UBQLN4: variants seen among roughly 807,000 people sequenced by gnomAD.
UBQLN4 encodes the protein ubiquilin-4.
In UBQLN4, 11 loss-of-function variants were observed where a neutral mutation model predicts 60.4. The ratio of observed to expected loss-of-function variants is 0.18; its 90% CI spans 0.11 to 0.30. The LOEUF (loss-of-function observed/expected upper bound fraction) is 0.30. UBQLN4 is among the 10% of genes least tolerant of loss of function. UBQLN4 has a pLI of 1.00. For missense variants in UBQLN4, 417 were observed against 795.5 expected (o/e 0.52, Z 5.72); for synonymous variants, 258 against 313.1 (o/e 0.82, Z 1.86).
intron 5 of UBQLN4, among the ~76,000 whole-genome samples, chr1:156,047,239 T>C (rs1572277405): frequency 6.7e-6 from 1 of 149,654 alleles, no homozygotes; most frequent in Admixed American, 6.7e-5. Context: ...GTGTAACTTG[T>C]GAATTTTTTT....
intron 7 of UBQLN4, 190 bp downstream of exon 7, chr1:156,042,584 G>T: frequency 9.3e-7 from 1 of 1,079,644 alleles, no homozygotes; most frequent in Non-Finnish European, 1.3e-6. Context: ...AGGAACTATT[G>T]TTATTATCAT....
chr1:156,051,452 G>T, intron 2 of UBQLN4, 125 bp from the exon 3 acceptor site: 1 of 1,282,692 alleles, frequency 7.8e-7, no homozygotes, highest in Non-Finnish European at 1.1e-6. Context: ...CAGTCCTGAG[G>T]CTGGAGTGGG....
intron 5 of UBQLN4, among the ~76,000 whole-genome samples, chr1:156,046,775 G>A (rs1683715205): frequency 6.6e-6 from 1 of 152,030 alleles, no homozygotes; most frequent in South Asian, 2.1e-4. Flanking sequence ...CCAGGAGGTG[G>A]AGGTTGCAGT....
chr1:156,033,580 C>T (rs555534563), downstream of UBQLN4, among the ~76,000 whole-genome samples: 2 of 152,118 alleles, frequency 1.3e-5, no homozygotes, highest in Non-Finnish European at 2.9e-5. Context: ...CGACGGCTCA[C>T]GCCTGTGATC....
At chr1:156,032,748 G>T (rs1298248482), downstream of UBQLN4, among the ~76,000 whole-genome samples, 3 of 152,136 alleles carry the variant, frequency 2.0e-5, no homozygotes, top group Admixed American at 1.3e-4. Context: ...CTCCGCCAAC[G>T]ACAGAGGCGA....
rs1683391243 is a variant in UBQLN4 at position 156,035,990 on chromosome 1, G to A, written c.*988C>T. Reference sequence around the variant, plus strand: ...CTTTTGAGGGGGGCTCAAACTACTGGTGCCTGGGGACACAAGCAAGACCTG... The same window carrying A: ...CTTTTGAGGGGGGCTCAAACTACTGATGCCTGGGGACACAAGCAAGACCTG... On this transcript the variant is annotated 3_prime_UTR_variant, in exon 11 of 11. Transcript: ENST00000368309. The A allele has an allele frequency of 1.0e-6, 1 of 985,622 alleles. No individual in the cohort carries two copies. Among genetic ancestry groups the A allele is most frequent in the Non-Finnish European group, 1.2e-6 (1 of 830,110 alleles). 61.1% of individuals were successfully genotyped at this position (985,622 alleles called of 1,614,324 possible).
downstream of UBQLN4, among the ~76,000 whole-genome samples, chr1:156,034,977 T>G (rs1363100379): frequency 2.0e-5 from 3 of 148,516 alleles, no homozygotes; most frequent in Non-Finnish European, 4.5e-5. Flanking sequence ...CAAGTGGTCC[T>G]CCTGCCTCAG....
At position 156,036,188 on chromosome 1, in the gene UBQLN4, C is replaced by T. The variant is rs1223735310; in HGVS notation, c.*790G>A. On this transcript the variant is annotated 3_prime_UTR_variant, in exon 11 of 11. Transcript: ENST00000368309. ...CCAGCTCGGGCCTGGATTCTTCTGC[C>T]TAAAAGAGCTATGAGTGCTTCTGCT... is the stretch of plus-strand genomic sequence containing the variant. 8 of 985,470 alleles carry T rather than the reference C, an allele frequency of 8.1e-6. No homozygotes were observed. The highest frequency in any genetic ancestry group is 4.7e-5 in the South Asian group (1 of 21,290). 61.0% of individuals were successfully genotyped at this position (985,470 alleles called of 1,614,324 possible). A position where few individuals can be genotyped will look rare whatever the true frequency, so the allele number is the denominator to read the frequency against.
chr1:156,050,543 C>T lies in UBQLN4; in HGVS notation c.489G>A (p.Gly163=), dbSNP rs758864093. The change falls in exon 4 of 11, where the codon GGG becomes GGA. Residue 163 remains glycine (G), a synonymous_variant. Coordinates refer to ENST00000368309, the MANE Select transcript of UBQLN4 (RefSeq NM_020131.5). The surrounding 1 kb of genome is among the most constrained non-coding windows in gnomAD (Gnocchi z 4.6). ...SATASILSGF[G]GILGLGSLGL... is the part of the protein sequence containing the mutation. The stretch of plus-strand genomic sequence containing the variant: ...CTAGGCTGCCCAGCCCCAGGATGCC[C>T]CCAAAGCCAGCTGTGGGAAGGGGGC... 1 of 1,609,438 alleles carries T rather than the reference C, an allele frequency of 6.2e-7. No homozygotes were observed. The highest frequency in any genetic ancestry group is 8.5e-7 in the Non-Finnish European group (1 of 1,177,016).
chr1:156,041,144 C>T (rs1449788729), intron 10 of UBQLN4, among the ~76,000 whole-genome samples: 4 of 152,124 alleles, frequency 2.6e-5, no homozygotes, highest in Admixed American at 2.0e-4. Context: ...TTAACCTTTC[C>T]GGGCCTCAGT....
chr1:156,032,330 T>C (rs114742241), downstream of UBQLN4, among the ~76,000 whole-genome samples: 1,631 of 150,440 alleles, frequency 0.011, 33 homozygotes, highest in African/African-American at 0.038. Context: ...ACCTAAATAT[T>C]TGCATTACAA....
intron 5 of UBQLN4, among the ~76,000 whole-genome samples, chr1:156,046,013 G>A (rs950478241): frequency 1.3e-5 from 2 of 151,416 alleles, no homozygotes; most frequent in South Asian, 2.1e-4. Context: ...ACCTGGCTAA[G>A]TTTTGTATTT....
downstream of UBQLN4, among the ~76,000 whole-genome samples, chr1:156,031,567 G>T (rs1683296787): frequency 6.7e-6 from 1 of 148,378 alleles, no homozygotes; most frequent in Non-Finnish European, 1.5e-5. Context: ...ACTTGGTATA[G>T]GAACTTCTTC....
chr1:156,037,258 G>A (rs1683430751), intron 10 of UBQLN4, 128 bp from the exon 11 acceptor site: 2 of 1,227,522 alleles, frequency 1.6e-6, no homozygotes, highest in Middle Eastern at 2.0e-4. Flanking sequence ...CAGGGAAGAT[G>A]AGCTGCAAAT....
chr1:156,040,441 ATTTTT>A lies in UBQLN4; in HGVS notation c.1653+1039_1653+1043del, dbSNP rs112995184. The stretch of plus-strand genomic sequence containing the variant: ...TGTTGCTTCTTATCACAGTCCACAC[ATTTTT>A]TTTTTTTTTTTTTTTTTGAGATGGA... On this transcript the variant is annotated intron_variant, in intron 10 of 10. Coordinates refer to ENST00000368309, the MANE Select transcript of UBQLN4 (RefSeq NM_020131.5). Among the ~76,000 whole-genome samples, 203 of 108,954 alleles carry A rather than the reference ATTTTT, an allele frequency of 1.9e-3. 1 individual carries two copies. Among genetic ancestry groups the A allele is most frequent in the South Asian group, 4.9e-3 (16 of 3,288 alleles). 71.5% of individuals were successfully genotyped at this position (108,954 alleles called of 152,430 possible).
intron 6 of UBQLN4, among the ~76,000 whole-genome samples, chr1:156,043,205 T>C (rs929849938): frequency 9.2e-5 from 14 of 152,324 alleles, no homozygotes; most frequent in African/African-American, 3.4e-4. Context: ...GCTCAAATTA[T>C]GTCCAATTTG....
chr1:156,036,908 G>T lies in UBQLN4; in HGVS notation c.*70C>A. ...CGGAAGGGAGGACAAGCTGCAGAGG[G>T]TAAGGATTGACAGAAGAACCGAATG... On this transcript the variant is annotated 3_prime_UTR_variant, in exon 11 of 11. Coordinates refer to ENST00000368309, the MANE Select transcript of UBQLN4 (RefSeq NM_020131.5). 1 of 1,576,530 alleles carries T rather than the reference G, an allele frequency of 6.3e-7. No homozygotes were observed. The highest frequency in any genetic ancestry group is 8.6e-7 in the Non-Finnish European group (1 of 1,162,334).
intron 1 of UBQLN4, among the ~76,000 whole-genome samples, chr1:156,052,906 C>T (rs1392855100): frequency 6.6e-6 from 1 of 152,174 alleles, no homozygotes; most frequent in Non-Finnish European, 1.5e-5. Flanking sequence ...ACACAACACA[C>T]ACTTTAAGTA....
At position 156,041,668 on chromosome 1, in the gene UBQLN4, A is replaced by G. The variant is rs780398598; in HGVS notation, c.1470T>C (p.Leu490=). ...QTEAPGLVPS[L]GSFGISRTPA... ...GGGTCCGGGATATCCCAAAGGAGCC[A>G]AGGCTGTAGGCAAGAGAGACCAAGA... The change falls in exon 10 of 11, where the codon CTT becomes CTC. Residue 490 remains leucine, a synonymous_variant. Coordinates refer to ENST00000368309, the MANE Select transcript of UBQLN4 (RefSeq NM_020131.5). 69 of 1,550,070 alleles carry G rather than the reference A, an allele frequency of 4.5e-5. No individual in the cohort carries two copies. The highest frequency in any genetic ancestry group is 1.7e-4 in the Middle Eastern group (1 of 5,870).
Sources: allele counts gnomAD v4.1 joint callset (sites outside exome capture counted in the v4.1 genomes callset), GRCh38; gene constraint gnomAD v4.1.1; non-coding constraint Gnocchi (gnomAD v3.1); transcripts MANE v1.5; gene names NCBI Gene and HGNC (gene_info 2026-07-23, HGNC 2026-07-21).